CPM: variants seen among roughly 807,000 people sequenced by gnomAD.
CPM encodes the protein carboxypeptidase M, also known as renal carboxypeptidase.
A neutral mutation model predicts 46.4 loss-of-function variants in CPM; 35 were observed. That is an observed-to-expected ratio of 0.75 (90% CI 0.58 to 1.00). The LOEUF (loss-of-function observed/expected upper bound fraction) is 1.00, where lower values mean the gene tolerates loss of function less well. Among genes scored for constraint, CPM ranks in the 50% least tolerant of loss-of-function variants. CPM has a pLI of 0.00. For synonymous variants in CPM, 195 were observed against 195.3 expected, an observed-to-expected ratio of 1.00 and a Z score of 0.01; for missense variants, 422 against 530.4, an observed-to-expected ratio of 0.80 and a Z score of 2.01.
chr12:68,912,154 T>G (rs1035058236), intron 2 of CPM, among the ~76,000 whole-genome samples: 1 of 152,236 alleles, frequency 6.6e-6, no homozygotes, highest in Middle Eastern at 3.4e-3. Context: ...ATTACAGGCA[T>G]GCGCCAACAC....
intron 2 of CPM, among the ~76,000 whole-genome samples, chr12:68,902,252 T>G (rs756178287): frequency 6.6e-6 from 1 of 152,176 alleles, no homozygotes; most frequent in African/African-American, 2.4e-5. Context: ...TGTAGCAAGG[T>G]ACCATGTGAA....
chr12:68,936,392 C>CT (rs201308286), upstream of CPM, among the ~76,000 whole-genome samples: 3,506 of 151,296 alleles, frequency 0.023, 77 homozygotes, highest in East Asian at 0.087. Flanking sequence ...TTTCTTTCTT[C>CT]TTTTTTTTTG....
intron 3 of CPM, 66 bp downstream of exon 3, chr12:68,885,726 A>C: frequency 7.8e-7 from 1 of 1,287,268 alleles, no homozygotes; most frequent in Non-Finnish European, 1.1e-6. Flanking sequence ...GCATTTATAC[A>C]GAGCTCAAGA....
intron 3 of CPM, among the ~76,000 whole-genome samples, chr12:68,884,710 G>C (rs75682738): frequency 0.035 from 5,327 of 152,238 alleles, 341 homozygotes; most frequent in African/African-American, 0.12. Context: ...GGGACTCTTT[G>C]ATCGCTCAGT....
chr12:68,885,092 C>G (rs533036793), intron 3 of CPM, among the ~76,000 whole-genome samples: 1 of 152,100 alleles, frequency 6.6e-6, no homozygotes, highest in South Asian at 2.1e-4. Context: ...TACAGGTATG[C>G]GCCACCACAC....
chr12:68,962,178 C>A (rs867406995), intron 1 of CPM, among the ~76,000 whole-genome samples: 6 of 138,906 alleles, frequency 4.3e-5, no homozygotes, highest in East Asian at 2.1e-4. Context: ...CCAGCCTGGG[C>A]GACAGAGCGA....
intron 2 of CPM, among the ~76,000 whole-genome samples, chr12:68,906,240 A>G (rs1887341463): frequency 1.3e-5 from 2 of 152,302 alleles, no homozygotes; most frequent in South Asian, 4.1e-4. Flanking sequence ...GATGACCTGC[A>G]GCAGAATTAC....
At chr12:68,928,963 C>G (rs1004629124) in intron 2 of CPM, among the ~76,000 whole-genome samples, 24 of 149,044 alleles carry the variant, frequency 1.6e-4, no homozygotes, top group African/African-American at 5.5e-4. Flanking sequence ...CTAGGCTGGT[C>G]TCCTGAAGTG....
intron 6 of CPM, among the ~76,000 whole-genome samples, chr12:68,867,701 G>A (rs935760020): frequency 1.3e-5 from 2 of 152,218 alleles, no homozygotes; most frequent in Non-Finnish European, 2.9e-5. Flanking sequence ...CAATATGCCA[G>A]AGTGCTCCTG....
intron 2 of CPM, among the ~76,000 whole-genome samples, chr12:68,913,101 C>T (rs897701361): frequency 3.3e-5 from 5 of 152,146 alleles, no homozygotes; most frequent in Admixed American, 2.0e-4. Flanking sequence ...TAGATGCTGT[C>T]CTGCCAACCA....
At chr12:68,951,570 T>A (rs1315118613) in intron 1 of CPM, among the ~76,000 whole-genome samples, 2 of 152,040 alleles carry the variant, frequency 1.3e-5, no homozygotes, top group African/African-American at 4.8e-5. Context: ...AAGAGGGTAT[T>A]ATGTGTGCAA....
At chr12:68,909,975 TA>T (rs1387517613) in intron 2 of CPM, among the ~76,000 whole-genome samples, 7 of 151,200 alleles carry the variant, frequency 4.6e-5, no homozygotes, top group Non-Finnish European at 8.8e-5. Context: ...ACCCAGAACT[TA>T]AAAGTATAAT....
intron 2 of CPM, among the ~76,000 whole-genome samples, chr12:68,911,700 A>G (rs1887600947): frequency 6.6e-6 from 1 of 152,206 alleles, no homozygotes; most frequent in African/African-American, 2.4e-5. Context: ...TTATGTGCCA[A>G]TCATATTCTG....
At position 68,885,835 on chromosome 12, in the gene CPM, C is replaced by G. The variant is rs1886404670; in HGVS notation, c.215G>C (p.Gly72Ala). The G allele has an allele frequency of 6.2e-7, 1 of 1,614,166 alleles. No homozygotes were observed. The highest frequency in any genetic ancestry group is 8.5e-7 in the Non-Finnish European group (1 of 1,180,024). The change falls in exon 3 of 9, where the codon GGG becomes GCG. Residue 72 changes from glycine (G) to alanine (A), a missense_variant. By Grantham distance (60) the Gly-to-Ala change is moderately conservative. Transcript: ENST00000551568. ...VGRFPKEHRI[G>A]IPEFKYVANM... is the part of the protein sequence containing the mutation. ...TGCCACGTATTTGAACTCTGGAATCCCAATTCTGTGTTCCTTTGGAAACCG... is the reference window on the plus strand; with the variant it reads ...TGCCACGTATTTGAACTCTGGAATCGCAATTCTGTGTTCCTTTGGAAACCG...
chr12:68,898,849 A>G (rs1441131804), intron 2 of CPM, among the ~76,000 whole-genome samples: 1 of 152,212 alleles, frequency 6.6e-6, no homozygotes, highest in Non-Finnish European at 1.5e-5. Flanking sequence ...GATTAACGGT[A>G]CTTACCCTCA....
At chr12:68,876,778 T>C (rs1469236142) in intron 3 of CPM, among the ~76,000 whole-genome samples, 1 of 152,096 alleles carries the variant, frequency 6.6e-6, no homozygotes, top group African/African-American at 2.4e-5. Flanking sequence ...CAGATACAAA[T>C]GAGTGTTCTG....
In CPM at chr12:68,911,405, C is replaced by T. The variant is rs182566370; in HGVS notation, c.160+21273G>A. ...GCTCTCTAGACTTGAAGCTTCAGTC[C>T]TGAATCTACCAGGTACTTGCTTTGT... is the stretch of plus-strand genomic sequence containing the variant. On this transcript the variant is annotated intron_variant, in intron 2 of 8. Transcript: ENST00000551568. 1.1e-4 allele frequency among the ~76,000 whole-genome samples: 17 copies of T among 152,312 alleles called. No individual in the cohort carries two copies. In the East Asian group the frequency reaches 3.3e-3, roughly 29 times the overall value.
intron 2 of CPM, among the ~76,000 whole-genome samples, chr12:68,926,336 A>G (rs1888258777): frequency 6.6e-6 from 1 of 152,140 alleles, no homozygotes; most frequent in African/African-American, 2.4e-5. Flanking sequence ...TTAAGTCTTC[A>G]AAGTCACTTT....
At chr12:68,955,746 A>T (rs1453561216) in intron 1 of CPM, among the ~76,000 whole-genome samples, 2 of 152,152 alleles carry the variant, frequency 1.3e-5, no homozygotes, top group Non-Finnish European at 2.9e-5. Context: ...GAGGAGACCC[A>T]GAGCAGGTAG....
Sources: allele counts gnomAD v4.1 joint callset (sites outside exome capture counted in the v4.1 genomes callset), GRCh38; gene constraint gnomAD v4.1.1; transcripts MANE v1.5; gene names NCBI Gene and HGNC (gene_info 2026-07-23, HGNC 2026-07-21).